Variants in GALNTL6 observed in about 807,000 individuals in gnomAD.
GALNTL6 encodes the protein polypeptide N-acetylgalactosaminyltransferase-like 6.
Under a neutral mutation model 73.7 loss-of-function variants are expected in GALNTL6, and 46 were observed. The observed-to-expected ratio is 0.62, with a 90% CI of 0.49 to 0.80. The LOEUF is 0.80. Among genes scored for constraint, GALNTL6 ranks in the 30% least tolerant of loss-of-function variants. The pLI, the probability that GALNTL6 is intolerant of heterozygous loss-of-function variation, is 0.00. For missense variants in GALNTL6, 604 were observed against 755.0 expected, an observed-to-expected ratio of 0.80 and a Z score of 2.34; for synonymous variants, 259 against 263.7, an observed-to-expected ratio of 0.98 and a Z score of 0.17.
chr4:172,230,185 CA>C (rs1382305823), intron 3 of GALNTL6, among the ~76,000 whole-genome samples: 1 of 152,034 alleles, frequency 6.6e-6, no homozygotes, highest in Non-Finnish European at 1.5e-5. Context: ...GGACGTACAG[CA>C]AGCCAGCAGG....
intron 5 of GALNTL6, among the ~76,000 whole-genome samples, chr4:172,463,197 T>C (rs536093492): frequency 1.3e-5 from 2 of 151,808 alleles, no homozygotes; most frequent in Non-Finnish European, 2.9e-5. Flanking sequence ...AAAATAAATA[T>C]AAAATATATC....
intron 5 of GALNTL6, among the ~76,000 whole-genome samples, chr4:172,748,716 TTAA>T (rs1387590118): frequency 6.6e-6 from 1 of 152,080 alleles, no homozygotes; most frequent in Non-Finnish European, 1.5e-5. Flanking sequence ...AGGGCTACAG[TTAA>T]TAATAATGTA....
intron 3 of GALNTL6, among the ~76,000 whole-genome samples, chr4:172,275,901 G>T (rs1738813382): frequency 6.6e-6 from 1 of 152,188 alleles, no homozygotes; most frequent in South Asian, 2.1e-4. Context: ...AGGTTGCAGT[G>T]AGCCAAGTTT....
intron 5 of GALNTL6, among the ~76,000 whole-genome samples, chr4:172,355,700 A>C (rs557232369): frequency 6.6e-6 from 1 of 152,248 alleles, no homozygotes; most frequent in East Asian, 1.9e-4. Flanking sequence ...AAATGTTTAC[A>C]TTTGTCCTAT....
At chr4:172,743,822 G>T (rs551736495) in intron 5 of GALNTL6, among the ~76,000 whole-genome samples, 2 of 152,236 alleles carry the variant, frequency 1.3e-5, no homozygotes, top group East Asian at 3.9e-4. Context: ...ATCAAAGATT[G>T]TGTTGACATG....
At chr4:172,013,745 A>G (rs1741095091) in intron 2 of GALNTL6, among the ~76,000 whole-genome samples, 1 of 152,022 alleles carries the variant, frequency 6.6e-6, no homozygotes, top group South Asian at 2.1e-4. Flanking sequence ...TAAATGTAAA[A>G]CTAAATTATT....
intron 5 of GALNTL6, among the ~76,000 whole-genome samples, chr4:172,481,055 C>T (rs1445770066): frequency 3.3e-5 from 5 of 152,142 alleles, no homozygotes; most frequent in Non-Finnish European, 5.9e-5. Context: ...TGGACTATCG[C>T]GGTGAGTGTT....
At chr4:171,944,573 G>A (rs1738645504) in intron 2 of GALNTL6, among the ~76,000 whole-genome samples, 1 of 151,956 alleles carries the variant, frequency 6.6e-6, no homozygotes, top group Non-Finnish European at 1.5e-5. Flanking sequence ...TCAAAAGCTT[G>A]TGACCTTGAG....
rs529285413 is a variant in GALNTL6, at chr4:173,005,047, C to G, written c.1372-4131C>G. Among the ~76,000 whole-genome samples, 25 of 152,224 alleles carry G rather than the reference C, an allele frequency of 1.6e-4. No homozygotes were observed. In the Middle Eastern group the frequency reaches 0.014, roughly 83 times the overall value. On this transcript the variant is annotated intron_variant, in intron 10 of 12. Transcript: ENST00000506823. ...CTACTAGGCTCCTTGACATTTATGC[C>G]ACATTCCCCTTCTCTTGTACCTCTC...
At chr4:171,900,594 A>G (rs1260854189) in intron 2 of GALNTL6, among the ~76,000 whole-genome samples, 4 of 151,852 alleles carry the variant, frequency 2.6e-5, no homozygotes, top group African/African-American at 9.7e-5. Context: ...CTGGGATTAC[A>G]TGTGTGAGCC....
chr4:172,764,853 G>T (rs1439280136), intron 5 of GALNTL6, among the ~76,000 whole-genome samples: 2 of 152,190 alleles, frequency 1.3e-5, no homozygotes, highest in Non-Finnish European at 2.9e-5. Flanking sequence ...ACTACTGAAG[G>T]TTAATTCCAC....
chr4:172,538,301 A>G (rs1284135854), intron 5 of GALNTL6, among the ~76,000 whole-genome samples: 1 of 151,974 alleles, frequency 6.6e-6, no homozygotes, highest in Admixed American at 6.6e-5. Context: ...TATACTAAAA[A>G]TACAAAAAAA....
intron 5 of GALNTL6, among the ~76,000 whole-genome samples, chr4:172,390,495 C>A (rs894991947): frequency 6.6e-6 from 1 of 152,206 alleles, no homozygotes; most frequent in African/African-American, 2.4e-5. Flanking sequence ...AAATCTCACA[C>A]CTACTTGCTC....
At chr4:171,883,772 C>T (rs1193829432) in intron 2 of GALNTL6, among the ~76,000 whole-genome samples, 2 of 151,804 alleles carry the variant, frequency 1.3e-5, no homozygotes, top group Non-Finnish European at 2.9e-5. Context: ...CTCAGCCTCC[C>T]GAGTAGCTGG....
intron 5 of GALNTL6, among the ~76,000 whole-genome samples, chr4:172,572,166 C>G (rs952806659): frequency 1.3e-5 from 2 of 152,284 alleles, no homozygotes; most frequent in East Asian, 1.9e-4. Context: ...AGTCTGTGCT[C>G]TCTGTACAAT....
intron 2 of GALNTL6, among the ~76,000 whole-genome samples, chr4:172,014,088 A>G (rs766677133): frequency 6.6e-6 from 1 of 152,100 alleles, no homozygotes; most frequent in African/African-American, 2.4e-5. Context: ...TCCATTGTGC[A>G]TATATGCCAC....
chr4:171,938,103 C>A (rs558135167), intron 2 of GALNTL6, among the ~76,000 whole-genome samples: 43 of 151,886 alleles, frequency 2.8e-4, no homozygotes, highest in Non-Finnish European at 5.3e-4. Flanking sequence ...TGGATTTTTT[C>A]TTTTTTTTAA....
At chr4:172,861,319 ATG>A (rs10664817) in intron 7 of GALNTL6, among the ~76,000 whole-genome samples, 1,694 of 146,360 alleles carry the variant, frequency 0.012, 39 homozygotes, top group African/African-American at 0.04. Context: ...TTTTGCTTAC[ATG>A]TGTGTGTGTG....
chr4:172,538,525 C>T (rs1260022510), intron 5 of GALNTL6, among the ~76,000 whole-genome samples: 1 of 151,882 alleles, frequency 6.6e-6, no homozygotes, highest in Non-Finnish European at 1.5e-5. Flanking sequence ...GGCCACTTTC[C>T]CTGATGGAGA....
Sources: allele counts gnomAD v4.1 joint callset (sites outside exome capture counted in the v4.1 genomes callset), GRCh38; gene constraint gnomAD v4.1.1; transcripts MANE v1.5; gene names NCBI Gene and HGNC (gene_info 2026-07-23, HGNC 2026-07-21).